The following FOCAD variants were observed in gnomAD, a reference collection of about 807,000 sequenced individuals.
The protein encoded by FOCAD is KIAA1797.
Under a neutral mutation model 225.6 loss-of-function variants are expected in FOCAD, and 198 were observed. The ratio of observed to expected loss-of-function variants is 0.88; its 90% CI spans 0.78 to 0.99. The LOEUF is 0.99. Among genes scored for constraint, FOCAD ranks in the 50% least tolerant of loss-of-function variants. The pLI, the probability that FOCAD is intolerant of heterozygous loss-of-function variation, is 0.00. For missense variants in FOCAD, 2,713 were observed against 2,123.6 expected (o/e 1.28, Z -5.46); for synonymous variants, 897 against 755.0 (o/e 1.19, Z -3.08).
chr9:20,794,502 C>T (rs1392508597), intron 11 of FOCAD, among the ~76,000 whole-genome samples: 1 of 152,076 alleles, frequency 6.6e-6, no homozygotes, highest in East Asian at 1.9e-4. Flanking sequence ...GTGAAAGAAA[C>T]AGAGAAAATG....
chr9:20,970,178 A>G (rs1048444567), intron 35 of FOCAD, among the ~76,000 whole-genome samples: 7 of 151,946 alleles, frequency 4.6e-5, no homozygotes, highest in Admixed American at 4.6e-4. Context: ...CTTAGTGTGG[A>G]TCTCTTTGCC....
intron 15 of FOCAD, among the ~76,000 whole-genome samples, chr9:20,857,330 C>T (rs1377604415): frequency 2.6e-5 from 4 of 151,396 alleles, no homozygotes; most frequent in Non-Finnish European, 5.9e-5. Flanking sequence ...TAAGTTTATT[C>T]CTATGTATTT....
intron 10 of FOCAD, 137 bp downstream of exon 10, chr9:20,782,066 C>G: frequency 2.8e-6 from 2 of 705,682 alleles, no homozygotes; most frequent in East Asian, 5.5e-5. Flanking sequence ...TGTTGGAGAT[C>G]TCAACATATT....
At chr9:20,716,115 TG>T in intron 2 of FOCAD, 1 of 477,020 alleles carries the variant, frequency 2.1e-6, no homozygotes, top group African/African-American at 1.9e-5. Context: ...TTGACTTAGC[TG>T]GGTAGTGGGG....
chr9:20,659,531 A>T (rs1054741796), intron 2 of FOCAD, among the ~76,000 whole-genome samples: 4 of 152,168 alleles, frequency 2.6e-5, no homozygotes, highest in African/African-American at 9.7e-5. Flanking sequence ...CACATAGAGG[A>T]AAGATCATGG....
chr9:20,973,656 A>G (rs7852001), intron 35 of FOCAD, among the ~76,000 whole-genome samples: 8 of 127,330 alleles, frequency 6.3e-5, no homozygotes, highest in East Asian at 4.9e-4. Flanking sequence ...CCTTTTTCCT[A>G]TGCTTCTCAT....
intron 15 of FOCAD, among the ~76,000 whole-genome samples, chr9:20,829,247 C>T (rs1361367241): frequency 6.6e-6 from 1 of 152,026 alleles, no homozygotes; most frequent in Non-Finnish European, 1.5e-5. Flanking sequence ...TTTACATTTC[C>T]ACCAACAGTG....
intron 5 of FOCAD, among the ~76,000 whole-genome samples, chr9:20,750,885 C>A (rs950814168): frequency 6.6e-6 from 1 of 151,934 alleles, no homozygotes; most frequent in Non-Finnish European, 1.5e-5. Flanking sequence ...ATACTTTTTG[C>A]CTTTACAGGG....
At chr9:20,774,480 T>C (rs1399514652) in intron 8 of FOCAD, among the ~76,000 whole-genome samples, 2 of 152,222 alleles carry the variant, frequency 1.3e-5, no homozygotes, top group African/African-American at 2.4e-5. Flanking sequence ...ACAAAAAGAA[T>C]ACCCTTCCTC....
chr9:20,894,704 C>G (rs897827020), intron 21 of FOCAD, among the ~76,000 whole-genome samples: 1 of 152,004 alleles, frequency 6.6e-6, no homozygotes, highest in African/African-American at 2.4e-5. Flanking sequence ...AGTTTTAAGA[C>G]TTTTTTCGTA....
chr9:20,781,628 G>C (rs1464768755), intron 9 of FOCAD, 99 bp from the exon 10 acceptor site: 1 of 970,842 alleles, frequency 1.0e-6, no homozygotes, highest in African/African-American at 1.6e-5. Flanking sequence ...GTTATAAAAG[G>C]GAAGAAAACT....
rs1837635098 is a variant in FOCAD, at chr9:20,950,996, G to A, written c.3949G>A (p.Val1317Ile). Residue 1317 changes from valine (V) to isoleucine (I), a missense_variant and splice_region_variant, in exon 34 of 44, where the codon GTC becomes ATC. Transcript: ENST00000338382. ...LNEVIRTLTQ[V>I]ISVSGVIGLQ... ...TGAACTGTTACCTTTTTATTTGTAG[G>A]TCATTAGTGTCTCTGGGGTGATTGG... 1 of 1,611,576 alleles carries A rather than the reference G, an allele frequency of 6.2e-7. No individual in the cohort carries two copies. The highest frequency in any genetic ancestry group is 1.3e-5 in the African/African-American group (1 of 74,798).
chr9:20,880,097 G>A (rs1315889528), intron 19 of FOCAD, among the ~76,000 whole-genome samples: 4 of 152,084 alleles, frequency 2.6e-5, no homozygotes, highest in East Asian at 3.8e-4. Context: ...GCCTGCAATC[G>A]GATATTACTC....
chr9:20,871,318 G>C (rs564423928), intron 18 of FOCAD, among the ~76,000 whole-genome samples: 5 of 152,014 alleles, frequency 3.3e-5, no homozygotes, highest in Admixed American at 6.6e-5. Context: ...GTTTTAGTAG[G>C]TTGGCACAAA....
chr9:20,707,515 A>T (rs575247761), intron 1 of FOCAD, among the ~76,000 whole-genome samples: 112 of 152,348 alleles, frequency 7.4e-4, no homozygotes, highest in African/African-American at 2.5e-3. Flanking sequence ...TATGGATATT[A>T]TAAACAGTTG....
intron 4 of FOCAD, among the ~76,000 whole-genome samples, chr9:20,728,485 C>T (rs1826399283): frequency 1.3e-5 from 2 of 152,194 alleles, no homozygotes; most frequent in East Asian, 1.9e-4. Context: ...GGTGTCACAT[C>T]AGTGCTCACA....
At chr9:20,989,293 T>A (rs1015820894) in intron 41 of FOCAD, among the ~76,000 whole-genome samples, 1 of 152,228 alleles carries the variant, frequency 6.6e-6, no homozygotes, top group Non-Finnish European at 1.5e-5. Flanking sequence ...TTTTAAACTT[T>A]TTTTGAACTT....
intron 4 of FOCAD, among the ~76,000 whole-genome samples, chr9:20,732,907 C>T (rs1253166338): frequency 6.6e-6 from 1 of 152,060 alleles, no homozygotes; most frequent in African/African-American, 2.4e-5. Flanking sequence ...CATTAGAAGA[C>T]CAGGTGTGTC....
chr9:20,664,005 A>C (rs2131262936), intron 2 of FOCAD, among the ~76,000 whole-genome samples: 1 of 152,246 alleles, frequency 6.6e-6, no homozygotes, highest in Admixed American at 6.5e-5. Flanking sequence ...TGTCTTAATG[A>C]GATCCACTGA....
Sources: allele counts gnomAD v4.1 joint callset (sites outside exome capture counted in the v4.1 genomes callset), GRCh38; gene constraint gnomAD v4.1.1; transcripts MANE v1.5; gene names NCBI Gene and HGNC (gene_info 2026-07-23, HGNC 2026-07-21).